GRID2: variants seen among roughly 807,000 people sequenced by gnomAD.
GRID2 encodes the protein glutamate ionotropic receptor delta type subunit 2.
A neutral mutation model predicts 114.8 loss-of-function variants in GRID2; 33 were observed. That is an observed-to-expected ratio of 0.29 (90% CI 0.22 to 0.38). The LOEUF is 0.38. Ranked by LOEUF, GRID2 falls within the 10% of genes least tolerant of loss-of-function variation. The pLI, the probability that GRID2 is intolerant of heterozygous loss-of-function variation, is 1.00. For missense variants in GRID2, 1,184 were observed against 1,257.7 expected, an observed-to-expected ratio of 0.94 and a Z score of 0.89; for synonymous variants, 505 against 449.9, an observed-to-expected ratio of 1.12 and a Z score of -1.55.
intron 4 of GRID2, among the ~76,000 whole-genome samples, chr4:93,166,876 T>C (rs1292564301): frequency 1.3e-5 from 2 of 152,134 alleles, no homozygotes; most frequent in Non-Finnish European, 2.9e-5. Flanking sequence ...GTGTGCTAGC[T>C]CATAGGTTGC....
intron 1 of GRID2, among the ~76,000 whole-genome samples, chr4:92,535,079 G>A (rs1300996240): frequency 1.3e-5 from 2 of 152,054 alleles, no homozygotes; most frequent in African/African-American, 4.8e-5. Flanking sequence ...TACCTTATAT[G>A]GGCTAACTAT....
chr4:93,480,909 A>G (rs1358385756), intron 11 of GRID2, among the ~76,000 whole-genome samples: 2 of 146,640 alleles, frequency 1.4e-5, no homozygotes, highest in African/African-American at 4.9e-5. Context: ...CTGAATCTCT[A>G]CAGTAGGCCA....
rs1346948729 is a variant in GRID2 at position 93,625,223 on chromosome 4, A to G, written c.2194-1046A>G. Among the ~76,000 whole-genome samples the G allele has an allele frequency of 2.0e-5, 3 of 152,262 alleles. 1 individual carries two copies. The highest frequency in any genetic ancestry group is 4.4e-5 in the Non-Finnish European group (3 of 68,046). ...TAGAAGCCTAGTAACCCAAGGCGTC[A>G]GTAGCTCTTGTCATAACCCCAAAGG... On this transcript the variant is annotated intron_variant, in intron 13 of 15. Coordinates refer to ENST00000282020, the MANE Select transcript of GRID2 (RefSeq NM_001510.4).
intron 13 of GRID2, among the ~76,000 whole-genome samples, chr4:93,525,689 C>A (rs1424691384): frequency 7.9e-5 from 12 of 152,076 alleles, no homozygotes; most frequent in African/African-American, 2.7e-4. Context: ...TGTTTAATAG[C>A]TTATGAGAGA....
At chr4:92,559,875 T>C (rs746113516) in intron 1 of GRID2, among the ~76,000 whole-genome samples, 1 of 152,200 alleles carries the variant, frequency 6.6e-6, no homozygotes. Context: ...TGGAGAGATA[T>C]AGTCATTGCC....
chr4:93,576,850 G>T (rs920552011), intron 13 of GRID2, among the ~76,000 whole-genome samples: 2 of 152,102 alleles, frequency 1.3e-5, no homozygotes, highest in African/African-American at 4.8e-5. Flanking sequence ...TTGGTTGGGA[G>T]GGGCAGGAGA....
At chr4:93,191,109 AAATTT>A (rs1257881021) in intron 4 of GRID2, among the ~76,000 whole-genome samples, 1 of 152,086 alleles carries the variant, frequency 6.6e-6, no homozygotes, top group Non-Finnish European at 1.5e-5. Context: ...ATGCAAAATA[AAATTT>A]AATAAAATTA....
At chr4:92,713,375 T>G (rs2149311440) in intron 2 of GRID2, among the ~76,000 whole-genome samples, 1 of 150,596 alleles carries the variant, frequency 6.6e-6, no homozygotes, top group East Asian at 2.0e-4. Context: ...TTCAGTACTT[T>G]TTTAGACTTG....
At position 92,511,676 on chromosome 4, in the gene GRID2, C is replaced by T. The variant is rs1166030997; in HGVS notation, c.89-78455C>T. Reference sequence around the variant, plus strand: ...TTGTTAAAATATTAGGATTAAAAGTCTAGTTGAATCAGTTCAAGAGAGGAA... The same window carrying T: ...TTGTTAAAATATTAGGATTAAAAGTTTAGTTGAATCAGTTCAAGAGAGGAA... On this transcript the variant is annotated intron_variant, in intron 1 of 15. Transcript: ENST00000282020. 2.6e-5 allele frequency among the ~76,000 whole-genome samples: 4 copies of T among 151,692 alleles called. No individual in the cohort carries two copies. In the East Asian group the frequency reaches 7.8e-4, roughly 30 times the overall value.
rs565457569 is a variant in GRID2 at position 92,310,836 on chromosome 4, C to CA, written c.88+6094dup. On this transcript the variant is annotated intron_variant, in intron 1 of 15. Coordinates refer to ENST00000282020, the MANE Select transcript of GRID2 (RefSeq NM_001510.4). ...AAGGAATTGGGAGAAGAGATACAGT[C>CA]AAGTGTGGCTATATTTAATAGCTGC... Among the ~76,000 whole-genome samples the CA allele has an allele frequency of 5.3e-5, 8 of 152,010 alleles. No homozygotes were observed. The South Asian group carries it at 1.7e-3, about 32-fold the overall frequency.
chr4:92,693,792 C>G (rs556309776), intron 2 of GRID2, among the ~76,000 whole-genome samples: 19 of 152,224 alleles, frequency 1.2e-4, no homozygotes, highest in African/African-American at 4.6e-4. Flanking sequence ...TTATTAAATG[C>G]TTACTATGTT....
chr4:92,921,752 C>T (rs1230336256), intron 2 of GRID2, among the ~76,000 whole-genome samples: 1 of 152,154 alleles, frequency 6.6e-6, no homozygotes, highest in Non-Finnish European at 1.5e-5. Flanking sequence ...TGTCAGTCTG[C>T]CCCTACTGGG....
At chr4:93,301,580 TC>T (rs1228955521) in intron 8 of GRID2, among the ~76,000 whole-genome samples, 1 of 152,180 alleles carries the variant, frequency 6.6e-6, no homozygotes, top group Non-Finnish European at 1.5e-5. Context: ...GAAATGGTGA[TC>T]ATCATCATAT....
intron 10 of GRID2, among the ~76,000 whole-genome samples, chr4:93,449,686 T>G (rs1200457107): frequency 2.6e-5 from 4 of 152,058 alleles, no homozygotes; most frequent in Admixed American, 6.6e-5. Flanking sequence ...AAGCTATATC[T>G]AAAGTTTTAA....
chr4:93,616,623 T>C (rs1270238903), intron 13 of GRID2, among the ~76,000 whole-genome samples: 5 of 138,182 alleles, frequency 3.6e-5, no homozygotes, highest in Admixed American at 3.5e-4. Flanking sequence ...ATAAAATAAA[T>C]ATAAAAAAAA....
At chr4:92,520,375 TAAA>T (rs35833244) in intron 1 of GRID2, among the ~76,000 whole-genome samples, 1 of 150,952 alleles carries the variant, frequency 6.6e-6, no homozygotes, top group African/African-American at 2.4e-5. Flanking sequence ...AACATATTGA[TAAA>T]AAAAAACAAG....
At chr4:93,753,824 C>T (rs530463081) in intron 14 of GRID2, among the ~76,000 whole-genome samples, 1 of 152,136 alleles carries the variant, frequency 6.6e-6, no homozygotes, top group Admixed American at 6.5e-5. Context: ...ATCTTGAGAG[C>T]CCTTTGGGCC....
At chr4:93,623,328 C>T (rs1251861279) in intron 13 of GRID2, among the ~76,000 whole-genome samples, 2 of 152,020 alleles carry the variant, frequency 1.3e-5, no homozygotes, top group Non-Finnish European at 2.9e-5. Context: ...CCCCAACAGG[C>T]CCTGGTGTGT....
intron 4 of GRID2, among the ~76,000 whole-genome samples, chr4:93,192,747 CAAA>C (rs775968274): frequency 2.1e-4 from 9 of 43,728 alleles, no homozygotes; most frequent in African/African-American, 5.6e-4. Context: ...AACTCCATCT[CAAA>C]AAAAAAAAAA....
Sources: allele counts gnomAD v4.1 joint callset (sites outside exome capture counted in the v4.1 genomes callset), GRCh38; gene constraint gnomAD v4.1.1; transcripts MANE v1.5; gene names NCBI Gene and HGNC (gene_info 2026-07-23, HGNC 2026-07-21).